ANKRD30B: variants seen among roughly 807,000 people sequenced by gnomAD.
ANKRD30B encodes ankyrin repeat domain 30B, also known as ankyrin repeat domain-containing protein 30B.
ANKRD30B carries 144 observed loss-of-function variants against 202.2 expected under a neutral mutation model. The observed-to-expected ratio is 0.71, with a 90% CI of 0.62 to 0.82. The LOEUF is 0.82. Among genes scored for constraint, ANKRD30B ranks in the 40% least tolerant of loss-of-function variants. The probability of loss-of-function intolerance (pLI) is 0.00; values close to 1 mark genes in which losing one functional copy is unlikely to be tolerated. For synonymous variants in ANKRD30B, 508 were observed against 561.3 expected, an observed-to-expected ratio of 0.91 and a Z score of 1.34; for missense variants, 1,487 against 1,669.1, an observed-to-expected ratio of 0.89 and a Z score of 1.90.
intron 1 of ANKRD30B, among the ~76,000 whole-genome samples, chr18:14,750,594 A>C (rs543994086): frequency 6.6e-6 from 1 of 152,242 alleles, no homozygotes; most frequent in Admixed American, 6.5e-5. Flanking sequence ...ATTATACTAA[A>C]ATATTTTTAG....
chr18:14,863,028 T>C, the ANKRD30B span, among the ~76,000 whole-genome samples: 1 of 152,228 alleles, frequency 6.6e-6, no homozygotes, highest in African/African-American at 2.4e-5. Context: ...TTGGCTTTGA[T>C]CTTATAGGCT....
chr18:14,756,752 C>T (rs1230004750), intron 4 of ANKRD30B, among the ~76,000 whole-genome samples: 1 of 152,126 alleles, frequency 6.6e-6, no homozygotes, highest in Non-Finnish European at 1.5e-5. Flanking sequence ...AAATTACTGC[C>T]ATGGTGGCGC....
At chr18:14,873,321 T>C in the ANKRD30B span, among the ~76,000 whole-genome samples, 60,560 of 151,756 alleles carry the variant, frequency 0.4, 13,476 homozygotes, top group East Asian at 0.58. Flanking sequence ...GTCAGAATTT[T>C]GAGACCAGCC....
At chr18:14,799,058 C>G (rs1465570917) in intron 20 of ANKRD30B, 43 bp from the exon 21 acceptor site, 1 of 1,520,544 alleles carries the variant, frequency 6.6e-7, no homozygotes, top group South Asian at 1.1e-5. Context: ...TAGGCTTTGT[C>G]AAGCTTGCAT....
chr18:14,775,693 A>G (rs1047938444), intron 9 of ANKRD30B, among the ~76,000 whole-genome samples: 1 of 152,204 alleles, frequency 6.6e-6, no homozygotes, highest in Non-Finnish European at 1.5e-5. Flanking sequence ...CCACATAGGT[A>G]TCAAATAATA....
At chr18:14,928,428 G>T in the ANKRD30B span, among the ~76,000 whole-genome samples, 2 of 152,186 alleles carry the variant, frequency 1.3e-5, no homozygotes, top group Non-Finnish European at 2.9e-5. Flanking sequence ...TCCCGATGTG[G>T]CTTGGAATCA....
chr18:14,889,468 G>A, the ANKRD30B span, among the ~76,000 whole-genome samples: 1 of 152,086 alleles, frequency 6.6e-6, no homozygotes, highest in Non-Finnish European at 1.5e-5. Flanking sequence ...AATACAAAGG[G>A]AAAGCCAATT....
chr18:14,788,955 C>T (rs937863368), intron 15 of ANKRD30B, among the ~76,000 whole-genome samples: 1 of 152,120 alleles, frequency 6.6e-6, no homozygotes, highest in African/African-American at 2.4e-5. Flanking sequence ...TTCTAGATCC[C>T]TGAGGAATCG....
chr18:14,827,385 C>T (rs1188090932), intron 32 of ANKRD30B, among the ~76,000 whole-genome samples: 1 of 152,136 alleles, frequency 6.6e-6, no homozygotes, highest in Non-Finnish European at 1.5e-5. Context: ...TAACTGAAAT[C>T]ACAGAAATTA....
chr18:14,856,576 G>A (rs1180229920), downstream of ANKRD30B, among the ~76,000 whole-genome samples: 92 of 54,596 alleles, frequency 1.7e-3, no homozygotes, highest in African/African-American at 5.7e-3. Flanking sequence ...CAGATGGGGC[G>A]GCCGGGCAGA....
At chr18:14,873,890 T>A in the ANKRD30B span, among the ~76,000 whole-genome samples, 1 of 152,140 alleles carries the variant, frequency 6.6e-6, no homozygotes, top group Non-Finnish European at 1.5e-5. Context: ...GCACTCCTCA[T>A]TAGGGAGATG....
rs1284813557 is a variant in ANKRD30B at position 14,848,855 on chromosome 18, G to A, written c.3321G>A (p.Leu1107=). 1 of 1,601,694 alleles carries A rather than the reference G, an allele frequency of 6.2e-7. No homozygotes were observed. ...KNKFCVLQKE[L]SEAKEIKSQL... is the part of the protein sequence containing the mutation. ...AGTTTTGTGTACTACAAAAGGAACT[G>A]TCAGAAGCGAAAGAAATAAAATCAC... Residue 1107 remains leucine (L), a synonymous_variant, in exon 40 of 44, where the codon CTG becomes CTA. Coordinates refer to ENST00000690538, the MANE Select transcript of ANKRD30B (RefSeq NM_001367607.2).
At chr18:14,865,586 A>C in the ANKRD30B span, among the ~76,000 whole-genome samples, 6 of 139,382 alleles carry the variant, frequency 4.3e-5, no homozygotes, top group East Asian at 2.2e-4. Context: ...CCTGTTCACC[A>C]CCCTGTTTTT....
intron 6 of ANKRD30B, among the ~76,000 whole-genome samples, chr18:14,761,708 G>A (rs897953185): frequency 6.6e-6 from 1 of 151,630 alleles, no homozygotes; most frequent in Non-Finnish European, 1.5e-5. Context: ...GAAGAAACAT[G>A]GTTTTATTTA....
the ANKRD30B span, among the ~76,000 whole-genome samples, chr18:14,924,750 T>A: frequency 6.6e-6 from 1 of 152,220 alleles, no homozygotes; most frequent in South Asian, 2.1e-4. Context: ...TGCATCAGTG[T>A]CATGCAAACT....
intron 9 of ANKRD30B, among the ~76,000 whole-genome samples, chr18:14,775,044 A>C (rs35548812): frequency 0.4 from 60,999 of 151,988 alleles, 13,551 homozygotes; most frequent in East Asian, 0.58. Context: ...GGAGAATGGC[A>C]TGAACCTGGG....
chr18:14,781,417 C>A (rs1598608934), intron 11 of ANKRD30B, among the ~76,000 whole-genome samples: 1 of 141,770 alleles, frequency 7.1e-6, no homozygotes, highest in East Asian at 2.1e-4. Context: ...GCCTCAGCCT[C>A]CGGAGTAGCT....
the ANKRD30B span, among the ~76,000 whole-genome samples, chr18:14,880,124 G>A: frequency 4.6e-5 from 7 of 152,112 alleles, no homozygotes; most frequent in South Asian, 1.3e-3. Context: ...CCAACATCAT[G>A]TGTTGAAAAG....
chr18:14,860,329 G>T, the ANKRD30B span, among the ~76,000 whole-genome samples: 1 of 114,580 alleles, frequency 8.7e-6, no homozygotes, highest in African/African-American at 3.4e-5. Flanking sequence ...AGGCAGTGGC[G>T]CTCCTCACTT....
Sources: allele counts gnomAD v4.1 joint callset (sites outside exome capture counted in the v4.1 genomes callset), GRCh38; gene constraint gnomAD v4.1.1; transcripts MANE v1.5; gene names NCBI Gene and HGNC (gene_info 2026-07-23, HGNC 2026-07-21).